Variants in PLCG2 observed in about 807,000 individuals in gnomAD.
PLCG2 encodes 1-phosphatidylinositol 4,5-bisphosphate phosphodiesterase gamma-2.
A neutral mutation model predicts 175.6 loss-of-function variants in PLCG2; 69 were observed. The observed-to-expected ratio is 0.39, with a 90% CI of 0.32 to 0.48. PLCG2 has a LOEUF of 0.48. PLCG2 is among the 20% of genes least tolerant of loss of function. The pLI, the probability that PLCG2 is intolerant of heterozygous loss-of-function variation, is 0.91. For synonymous variants in PLCG2, 827 were observed against 624.0 expected, an observed-to-expected ratio of 1.33 and a Z score of -4.85; for missense variants, 1,798 against 1,650.9, an observed-to-expected ratio of 1.09 and a Z score of -1.54.
At chr16:81,951,998 C>T (rs1911384989) in intron 31 of PLCG2, among the ~76,000 whole-genome samples, 1 of 152,084 alleles carries the variant, frequency 6.6e-6, no homozygotes, top group South Asian at 2.1e-4. Flanking sequence ...AACGTAACCA[C>T]TTCTGTCTGT....
intron 5 of PLCG2, among the ~76,000 whole-genome samples, chr16:81,863,433 G>A (rs1424711493): frequency 6.6e-6 from 1 of 152,164 alleles, no homozygotes; most frequent in Non-Finnish European, 1.5e-5. Context: ...ACCACATTTT[G>A]CTTATCTACT....
intron 1 of PLCG2, among the ~76,000 whole-genome samples, chr16:81,784,993 T>C (rs1910906089): frequency 6.6e-6 from 1 of 152,302 alleles, no homozygotes; most frequent in South Asian, 2.1e-4. Context: ...ATTTGATTCA[T>C]GTTCTAAAAG....
intron 32 of PLCG2, 142 bp from the exon 33 acceptor site, chr16:81,957,814 G>C (rs1394763786): frequency 1.5e-6 from 1 of 681,802 alleles, no homozygotes; most frequent in East Asian, 2.7e-5. Context: ...CAGGAACTTG[G>C]AGTCTGCCTC....
intron 8 of PLCG2, 132 bp downstream of exon 8, chr16:81,881,085 G>A (rs1597370590): frequency 1.2e-6 from 1 of 822,992 alleles, no homozygotes; most frequent in Non-Finnish European, 2.0e-6. Context: ...CCCCTGCTGG[G>A]GAATTGGCCA....
chr16:81,811,837 C>T (rs977178190), intron 2 of PLCG2, among the ~76,000 whole-genome samples: 7 of 152,126 alleles, frequency 4.6e-5, no homozygotes, highest in Non-Finnish European at 8.8e-5. Flanking sequence ...CATATGTGTG[C>T]ATGTGTCTTT....
rs1909591411 is a variant in PLCG2 at position 81,910,838 on chromosome 16, A to G, written c.1934+118A>G. On this transcript the variant is annotated intron_variant, in intron 18 of 32. Coordinates refer to ENST00000564138, the MANE Select transcript of PLCG2 (RefSeq NM_002661.5). ...CCCCAGGACACCCTCTCCCCAGCCC[A>G]CCGGCATCTCAAAATTGCCGAGGTG... The G allele has an allele frequency of 1.3e-5, 12 of 923,308 alleles. No homozygotes were observed. In the Admixed American group the frequency reaches 1.7e-4, roughly 13 times the overall value. 57.2% of individuals were successfully genotyped at this position (923,308 alleles called of 1,614,324 possible).
chr16:81,850,936 G>T (rs1236969974), intron 2 of PLCG2, among the ~76,000 whole-genome samples: 2 of 152,158 alleles, frequency 1.3e-5, no homozygotes, highest in Non-Finnish European at 2.9e-5. Context: ...CTCGAGGTCT[G>T]CAATCAGTGG....
At position 81,829,939 on chromosome 16, in the gene PLCG2, G is replaced by A. The variant is rs573620396; in HGVS notation, c.194-24505G>A. Among the ~76,000 whole-genome samples the A allele has an allele frequency of 9.3e-4, 141 of 152,110 alleles. 1 individual carries two copies. The highest frequency in any genetic ancestry group is 8.4e-4 in the Non-Finnish European group (57 of 67,976). ...TAGGGGGCTTATTCTACCTCTCGGT[G>A]GCATCCCCACTAGGTGCCAGGCACT... is the stretch of plus-strand genomic sequence containing the variant. On this transcript the variant is annotated intron_variant, in intron 2 of 32. Coordinates refer to ENST00000564138, the MANE Select transcript of PLCG2 (RefSeq NM_002661.5).
rs12923387 is a variant in PLCG2 at position 81,940,200 on chromosome 16, A to T, written c.3481+141A>T. ...AAACCGATTGGGTGGCTTGGAGAGC[A>T]GGTGTACAGCCTGTCGTGTAGCACA... On this transcript the variant is annotated intron_variant, in intron 30 of 32. Coordinates refer to ENST00000564138, the MANE Select transcript of PLCG2 (RefSeq NM_002661.5). 113,704 of 696,442 alleles carry T rather than the reference A, an allele frequency of 0.16. 11,336 individuals are homozygous for T. Among genetic ancestry groups the T allele is most frequent in the African/African-American group, 0.39 (21,681 of 55,942 alleles). The allele number at this position is 696,442 out of a possible 1,614,324, so 43.1% of individuals were successfully genotyped here. A position where few individuals can be genotyped will look rare whatever the true frequency, so the allele number is the denominator to read the frequency against.
intron 1 of PLCG2, among the ~76,000 whole-genome samples, chr16:81,751,866 A>G (rs1909819073): frequency 6.6e-6 from 1 of 152,056 alleles, no homozygotes; most frequent in Non-Finnish European, 1.5e-5. Context: ...TACTAAAAAT[A>G]TAAACATTAG....
intron 2 of PLCG2, among the ~76,000 whole-genome samples, chr16:81,822,317 G>A (rs1904834865): frequency 6.6e-6 from 1 of 152,212 alleles, no homozygotes; most frequent in African/African-American, 2.4e-5. Context: ...CCCCAGAGAT[G>A]TCCATGTCCT....
At chr16:81,852,798 T>A (rs1459386473) in intron 2 of PLCG2, among the ~76,000 whole-genome samples, 4 of 152,190 alleles carry the variant, frequency 2.6e-5, no homozygotes, top group Non-Finnish European at 5.9e-5. Flanking sequence ...CCACATGTTG[T>A]CAGCTGGGGC....
Position 81,937,817 on chromosome 16 carries a change from C to T in PLCG2, c.3112C>T (p.Leu1038=), listed in dbSNP as rs200813182. ...FSLNGRTGYV[L]QPESMRTEKY... ...TCTCAATGGGCGCACGGGCTACGTT[C>T]TGCAGCCTGAGAGCATGAGGACAGA... The change falls in exon 28 of 33, where the codon CTG becomes TTG. Residue 1038 remains leucine, a synonymous_variant. Transcript: ENST00000564138. The T allele has an allele frequency of 1.0e-3, 1,682 of 1,613,796 alleles. 2 individuals carry two copies. Among genetic ancestry groups the T allele is most frequent in the Non-Finnish European group, 1.4e-3 (1,595 of 1,179,666 alleles).
intron 2 of PLCG2, among the ~76,000 whole-genome samples, chr16:81,786,553 A>G (rs186127158): frequency 1.3e-5 from 2 of 152,024 alleles, no homozygotes; most frequent in African/African-American, 4.8e-5. Flanking sequence ...GCCTGCAGAA[A>G]CTCATAGCTT....
intron 2 of PLCG2, among the ~76,000 whole-genome samples, chr16:81,825,507 C>G (rs1323139222): frequency 6.6e-6 from 1 of 152,050 alleles, no homozygotes; most frequent in Non-Finnish European, 1.5e-5. Flanking sequence ...GTTGGCCAGG[C>G]TGGTCTCCAA....
In PLCG2 at chr16:81,858,180, G is replaced by A. The variant is rs539488170; in HGVS notation, c.338-83G>A. On this transcript the variant is annotated intron_variant, in intron 3 of 32. Transcript: ENST00000564138. ...ACCAGCATAGGCTTCTCCCATCTTC[G>A]TGATCTGTATGGGGCAGGGCTTTGT... The A allele has an allele frequency of 2.5e-4, 238 of 956,046 alleles. 2 individuals are homozygous for A. In the South Asian group the frequency reaches 2.8e-3, roughly 11 times the overall value. The allele number at this position is 956,046 out of a possible 1,614,324, so 59.2% of individuals were successfully genotyped here. A position where few individuals can be genotyped will look rare whatever the true frequency, so the allele number is the denominator to read the frequency against.
chr16:81,792,343 G>A (rs1028365200), intron 2 of PLCG2, among the ~76,000 whole-genome samples: 1 of 151,926 alleles, frequency 6.6e-6, no homozygotes, highest in Non-Finnish European at 1.5e-5. Context: ...TTGGCTGGGT[G>A]TAGTGGCACA....
intron 2 of PLCG2, among the ~76,000 whole-genome samples, chr16:81,804,041 C>G (rs1436921525): frequency 6.6e-6 from 1 of 152,180 alleles, no homozygotes; most frequent in Non-Finnish European, 1.5e-5. Flanking sequence ...TTTGTGTGAA[C>G]ACATGTTTCC....
At chr16:81,860,334 AT>A (rs1906920010) in intron 5 of PLCG2, among the ~76,000 whole-genome samples, 1 of 151,924 alleles carries the variant, frequency 6.6e-6, no homozygotes, top group Non-Finnish European at 1.5e-5. Flanking sequence ...CATTACTGTG[AT>A]TAATGCTGCT....
Sources: allele counts gnomAD v4.1 joint callset (sites outside exome capture counted in the v4.1 genomes callset), GRCh38; gene constraint gnomAD v4.1.1; transcripts MANE v1.5; gene names NCBI Gene and HGNC (gene_info 2026-07-23, HGNC 2026-07-21).